Variants in METTL2B observed in about 807,000 individuals in gnomAD.
METTL2B encodes tRNA N(3)-cytidine methyltransferase METTL2B.
METTL2B carries 28 observed loss-of-function variants against 51.0 expected under a neutral mutation model. The observed-to-expected ratio is 0.55, with a 90% confidence interval of 0.41 to 0.75. The LOEUF (loss-of-function observed/expected upper bound fraction) is 0.75. Among genes scored for constraint, METTL2B ranks in the 30% least tolerant of loss-of-function variants. The pLI is 0.00. For missense variants in METTL2B, 313 were observed against 460.7 expected (o/e 0.68, Z 2.93); for synonymous variants, 128 against 166.3 (o/e 0.77, Z 1.77).
chr7:128,476,800 T>G lies in METTL2B; in HGVS notation c.35T>G (p.Ile12Ser), dbSNP rs996729949. 6.2e-7 allele frequency: 1 copy of G among 1,613,948 alleles called. No homozygotes were observed. The highest frequency in any genetic ancestry group is 8.5e-7 in the Non-Finnish European group (1 of 1,180,014). The change falls in exon 1 of 9, where the codon ATC (isoleucine) becomes AGC (serine). Residue 12 changes from isoleucine to serine, a missense_variant. Coordinates refer to ENST00000262432, the MANE Select transcript of METTL2B (RefSeq NM_018396.3). ...AGSYPEGAPAILADKRQQFGS... is the reference protein window; with the variant it reads ...AGSYPEGAPASLADKRQQFGS... ...TCCTACCCTGAAGGTGCACCTGCAA[T>G]CCTCGCCGATAAGAGGCAGCAGTTC...
chr7:128,484,217 C>CTTTTTTTGTTTTGTTTTGTTTT, intron 4 of METTL2B: 1 of 42,412 alleles, frequency 2.4e-5, no homozygotes, highest in African/African-American at 1.0e-4. Context: ...TGCCTAGATC[C>CTTTTTTTGTTTTGTTTTGTTTT]TTTTTTTTTT....
chr7:128,480,962 GTTTTAA>G (rs1400715190), intron 4 of METTL2B, among the ~76,000 whole-genome samples: 1 of 152,232 alleles, frequency 6.6e-6, no homozygotes, highest in African/African-American at 2.4e-5. Context: ...TTTATGGATT[GTTTTAA>G]TTTGATTATC....
chr7:128,492,159 AT>A (rs540232615), intron 5 of METTL2B, among the ~76,000 whole-genome samples: 1,883 of 139,336 alleles, frequency 0.014, 34 homozygotes, highest in African/African-American at 0.04. Flanking sequence ...CACCTGGCTA[AT>A]TTTTTTTTTT....
rs1383835216 is a variant in METTL2B at position 128,502,136 on chromosome 7, G to A, written c.*220G>A. On this transcript the variant is annotated 3_prime_UTR_variant, in exon 9 of 9. Coordinates refer to ENST00000262432, the MANE Select transcript of METTL2B (RefSeq NM_018396.3). ...ATAAAAAGAATATAAATGAGGTCTC[G>A]TTGATGCTGGACAATTCAAGAATTC... is the stretch of plus-strand genomic sequence containing the variant. 5 of 550,390 alleles carry A rather than the reference G, an allele frequency of 9.1e-6. No individual in the cohort carries two copies. Among genetic ancestry groups the A allele is most frequent in the African/African-American group, 3.9e-5 (2 of 51,944 alleles). 34.1% of individuals were successfully genotyped at this position (550,390 alleles called of 1,614,324 possible).
chr7:128,493,821 T>A lies in METTL2B; in HGVS notation c.687T>A (p.Asp229Glu), dbSNP rs184377510. 210 of 1,608,998 alleles carry A rather than the reference T, an allele frequency of 1.3e-4. 1 individual carries two copies. The East Asian group carries it at 4.6e-3, about 35-fold the overall frequency. ...IELVQTNSEY[D>E]PSRCFAFVHD... ...GTCTGCAGACAAATTCAGAATATGA[T>A]CCTTCTCGGTGTTTTGCCTTTGTTC... Residue 229 changes from aspartate to glutamate, a missense_variant, in exon 6 of 9, where the codon GAT (aspartate) becomes GAA (glutamate). By Grantham distance (45) the Asp-to-Glu change is conservative (BLOSUM62 2). This residue lies in a region of METTL2B where 138 missense variants were observed against 187.6 expected (regional missense o/e 0.74). Coordinates refer to ENST00000262432, the MANE Select transcript of METTL2B (RefSeq NM_018396.3).
chr7:128,500,643 AG>A (rs1205325678), intron 7 of METTL2B, among the ~76,000 whole-genome samples: 1 of 128,582 alleles, frequency 7.8e-6, no homozygotes, highest in Non-Finnish European at 1.8e-5. Flanking sequence ...ATAAATAAAA[AG>A]TTTGTGCTGT....
intron 4 of METTL2B, among the ~76,000 whole-genome samples, chr7:128,487,617 A>C (rs1262859976): frequency 6.6e-6 from 1 of 152,222 alleles, no homozygotes; most frequent in East Asian, 1.9e-4. Flanking sequence ...ATCTAAGATA[A>C]TACACAATGC....
intron 5 of METTL2B, among the ~76,000 whole-genome samples, chr7:128,492,666 G>A (rs1344406526): frequency 6.6e-5 from 10 of 151,920 alleles, no homozygotes; most frequent in African/African-American, 2.4e-4. Flanking sequence ...GCCCAGGCTG[G>A]AGTGCAGTGG....
chr7:128,490,034 A>G (rs182196834), intron 5 of METTL2B, among the ~76,000 whole-genome samples: 160 of 152,314 alleles, frequency 1.1e-3, no homozygotes, highest in African/African-American at 3.6e-3. Flanking sequence ...TTTTGCCCAC[A>G]GTAGAGCTTC....
At chr7:128,483,624 C>T (rs1159581405) in intron 4 of METTL2B, among the ~76,000 whole-genome samples, 1 of 152,208 alleles carries the variant, frequency 6.6e-6, no homozygotes, top group African/African-American at 2.4e-5. Flanking sequence ...TAGCCGCAAC[C>T]TCCGCCTCCC....
Position 128,505,157 on chromosome 7 carries a change from A to C in METTL2B, c.*3241A>C, listed in dbSNP as rs1450946773. 3.3e-5 allele frequency: 5 copies of C among 151,044 alleles called. No individual in the cohort carries two copies. The highest frequency in any genetic ancestry group is 3.9e-4 in the East Asian group (2 of 5,146). The allele number at this position is 151,044 out of a possible 1,614,324, so 9.4% of individuals were successfully genotyped here. ...GTGGTGGGCGCCTGTAATCCCAGCTATCTGGGAGGCTGAGTCTAGAGAATC... is the reference window on the plus strand; with the variant it reads ...GTGGTGGGCGCCTGTAATCCCAGCTCTCTGGGAGGCTGAGTCTAGAGAATC... On this transcript the variant is annotated 3_prime_UTR_variant, in exon 9 of 9. Coordinates refer to ENST00000262432, the MANE Select transcript of METTL2B (RefSeq NM_018396.3).
chr7:128,495,299 C>A (rs1396554705), intron 6 of METTL2B, among the ~76,000 whole-genome samples: 8 of 152,156 alleles, frequency 5.3e-5, no homozygotes, highest in African/African-American at 1.7e-4. Context: ...CTAAGGTGTT[C>A]TCTGATGCTT....
intron 4 of METTL2B, among the ~76,000 whole-genome samples, chr7:128,482,051 A>G (rs1357833709): frequency 1.3e-5 from 2 of 152,216 alleles, no homozygotes; most frequent in Non-Finnish European, 2.9e-5. Flanking sequence ...TATTCAGGAC[A>G]TTGGTGGGTG....
chr7:128,483,378 G>C (rs1461270649), intron 4 of METTL2B: 2 of 152,326 alleles, frequency 1.3e-5, no homozygotes, highest in Non-Finnish European at 2.9e-5. Flanking sequence ...GCCCTATAAA[G>C]TATGTCCTCT....
intron 5 of METTL2B, among the ~76,000 whole-genome samples, chr7:128,491,581 C>T (rs1180020450): frequency 2.7e-5 from 4 of 145,944 alleles, no homozygotes; most frequent in African/African-American, 5.1e-5. Flanking sequence ...GCTACAAGAG[C>T]GAAACTCTAT....
intron 7 of METTL2B, among the ~76,000 whole-genome samples, chr7:128,500,392 G>A (rs1196140956): frequency 5.3e-5 from 8 of 152,132 alleles, no homozygotes; most frequent in Non-Finnish European, 7.4e-5. Flanking sequence ...AGGCCAAGGC[G>A]GGTGGATCAC....
intron 7 of METTL2B, among the ~76,000 whole-genome samples, chr7:128,500,477 C>G (rs1175940095): frequency 6.6e-6 from 1 of 152,090 alleles, no homozygotes; most frequent in Admixed American, 6.6e-5. Flanking sequence ...AAAAAATTAG[C>G]TGGGCGTGGT....
Position 128,501,980 on chromosome 7 carries a change from T to A in METTL2B, c.*64T>A. The A allele has an allele frequency of 1.2e-6, 2 of 1,600,126 alleles. No homozygotes were observed. Among genetic ancestry groups the A allele is most frequent in the Non-Finnish European group, 8.5e-7 (1 of 1,171,418 alleles). On this transcript the variant is annotated 3_prime_UTR_variant, in exon 9 of 9. Coordinates refer to ENST00000262432, the MANE Select transcript of METTL2B (RefSeq NM_018396.3). ...TTCCGAGCTTTTTTAAAAAAAAATT[T>A]GTAGCACCGGGCATGGTGCATGCCT...
intron 2 of METTL2B, among the ~76,000 whole-genome samples, chr7:128,478,288 G>C (rs1799828341): frequency 6.8e-6 from 1 of 146,328 alleles, no homozygotes; most frequent in African/African-American, 2.6e-5. Flanking sequence ...GTCTCGCTCT[G>C]TCACCAGGCT....
Sources: gnomAD v4.1 joint callset for allele counts (sites outside exome capture counted in the v4.1 genomes callset) on GRCh38, gnomAD v4.1.1 for gene constraint, gnomAD v4.1.1 regional missense constraint, MANE v1.5 for transcripts, NCBI Gene and HGNC (gene_info 2026-07-23, HGNC 2026-07-21) for gene names.